Variants in HMGCLL1 observed in about 807,000 individuals in gnomAD.
HMGCLL1 encodes 3-hydroxy-3-methylglutaryl-CoA lyase like 1.
In HMGCLL1, 36 loss-of-function variants were observed where a neutral mutation model predicts 39.1. The ratio of observed to expected loss-of-function variants is 0.92; its 90% CI spans 0.71 to 1.22. The LOEUF is 1.22. HMGCLL1 is among the 50% of genes most tolerant of loss of function. The probability of loss-of-function intolerance (pLI) is 0.00; values close to 1 mark genes in which losing one functional copy is unlikely to be tolerated. For synonymous variants in HMGCLL1, 149 were observed against 144.0 expected, an observed-to-expected ratio of 1.03 and a Z score of -0.25; for missense variants, 451 against 416.5, an observed-to-expected ratio of 1.08 and a Z score of -0.72.
the HMGCLL1 span, among the ~76,000 whole-genome samples, chr6:55,658,326 G>T: frequency 6.6e-6 from 1 of 151,904 alleles, no homozygotes; most frequent in Non-Finnish European, 1.5e-5. Context: ...ACATAAAATT[G>T]TTGCTGTCTT....
intron 7 of HMGCLL1, among the ~76,000 whole-genome samples, chr6:55,456,087 G>A (rs1403422924): frequency 3.3e-5 from 5 of 152,140 alleles, no homozygotes; most frequent in South Asian, 2.1e-4. Flanking sequence ...AAGGTCACAC[G>A]CATATAAGCT....
At chr6:55,535,611 C>G (rs1768971201) in intron 3 of HMGCLL1, among the ~76,000 whole-genome samples, 1 of 152,156 alleles carries the variant, frequency 6.6e-6, no homozygotes, top group Admixed American at 6.5e-5. Context: ...GTCTCCCTCC[C>G]TCTTTCAGCC....
intron 1 of HMGCLL1, among the ~76,000 whole-genome samples, chr6:55,546,399 A>G (rs1769977999): frequency 6.6e-6 from 1 of 152,010 alleles, no homozygotes; most frequent in African/African-American, 2.4e-5. Context: ...TTTTATTAAA[A>G]CCCTCAGAGT....
At chr6:55,505,506 G>GTAATGCA (rs756137058) in intron 5 of HMGCLL1, among the ~76,000 whole-genome samples, 191 of 151,724 alleles carry the variant, frequency 1.3e-3, no homozygotes, top group Non-Finnish European at 2.4e-3. Flanking sequence ...TTGAGAGCCT[G>GTAATGCA]TAATGCATTT....
chr6:55,529,869 C>A (rs531635256), intron 3 of HMGCLL1, among the ~76,000 whole-genome samples: 3 of 152,032 alleles, frequency 2.0e-5, no homozygotes, highest in South Asian at 4.2e-4. Context: ...AATAGAGACA[C>A]AATAAAAGCA....
intron 3 of HMGCLL1, among the ~76,000 whole-genome samples, chr6:55,532,653 T>C (rs749355852): frequency 2.0e-5 from 3 of 151,596 alleles, no homozygotes; most frequent in Non-Finnish European, 2.9e-5. Flanking sequence ...ATACAAAAAT[T>C]AGCTGGGTGC....
At chr6:55,518,397 C>T (rs1046215263) in intron 3 of HMGCLL1, among the ~76,000 whole-genome samples, 1 of 152,008 alleles carries the variant, frequency 6.6e-6, no homozygotes, top group African/African-American at 2.4e-5. Context: ...ATTGTTCCAA[C>T]AAAAAATGGC....
intron 1 of HMGCLL1, among the ~76,000 whole-genome samples, chr6:55,576,328 C>T (rs1760818950): frequency 6.6e-6 from 1 of 152,036 alleles, no homozygotes; most frequent in African/African-American, 2.4e-5. Flanking sequence ...CCAGAGGGAA[C>T]ACAATTTATT....
the HMGCLL1 span, among the ~76,000 whole-genome samples, chr6:55,596,821 G>T: frequency 6.6e-6 from 1 of 152,090 alleles, no homozygotes. Context: ...ACAATCATTT[G>T]CCAAGTTAGC....
intron 7 of HMGCLL1, among the ~76,000 whole-genome samples, chr6:55,483,020 A>G (rs1170484794): frequency 6.6e-6 from 1 of 152,190 alleles, no homozygotes; most frequent in Non-Finnish European, 1.5e-5. Context: ...GATCCCAATC[A>G]GAAGAAATCT....
At chr6:55,526,148 T>A (rs1248334989) in intron 3 of HMGCLL1, among the ~76,000 whole-genome samples, 4 of 151,968 alleles carry the variant, frequency 2.6e-5, no homozygotes, top group African/African-American at 9.7e-5. Flanking sequence ...TCCAGACCCC[T>A]ATTTTTTCTT....
intron 7 of HMGCLL1, among the ~76,000 whole-genome samples, chr6:55,472,260 C>G (rs1180756733): frequency 9.2e-5 from 14 of 151,588 alleles, no homozygotes; most frequent in African/African-American, 3.4e-4. Flanking sequence ...GAGTACCATT[C>G]GTTCCACATT....
At chr6:55,586,950 A>G in the HMGCLL1 span, among the ~76,000 whole-genome samples, 6 of 152,238 alleles carry the variant, frequency 3.9e-5, no homozygotes, top group East Asian at 1.2e-3. Context: ...TTCTAGTTCT[A>G]GATCCCTGAG....
the HMGCLL1 span, among the ~76,000 whole-genome samples, chr6:55,587,344 C>T: frequency 6.6e-5 from 10 of 151,796 alleles, no homozygotes; most frequent in African/African-American, 1.9e-4. Context: ...TTCTGTAGGT[C>T]GCCTGTACAG....
chr6:55,457,143 T>C (rs1764360030), intron 7 of HMGCLL1, among the ~76,000 whole-genome samples: 1 of 152,218 alleles, frequency 6.6e-6, no homozygotes, highest in African/African-American at 2.4e-5. Context: ...GTAATCATCC[T>C]TTCCAAGGAG....
At chr6:55,612,611 C>A in the HMGCLL1 span, among the ~76,000 whole-genome samples, 1 of 152,036 alleles carries the variant, frequency 6.6e-6, no homozygotes, top group Non-Finnish European at 1.5e-5. Context: ...ACACATAGAC[C>A]AATGGAACAG....
the HMGCLL1 span, among the ~76,000 whole-genome samples, chr6:55,669,482 T>C: frequency 1.3e-5 from 2 of 151,728 alleles, no homozygotes; most frequent in African/African-American, 4.8e-5. Flanking sequence ...ATTACTTGGA[T>C]TATGAAGAAA....
At chr6:55,576,942 G>A in intron 1 of HMGCLL1, 1 of 1,185,798 alleles carries the variant, frequency 8.4e-7, no homozygotes, top group Non-Finnish European at 1.2e-6. Context: ...ATCTGGACTG[G>A]AATTCAAGAG....
chr6:55,601,327 C>T, the HMGCLL1 span, among the ~76,000 whole-genome samples: 2 of 152,124 alleles, frequency 1.3e-5, no homozygotes, highest in African/African-American at 4.8e-5. Context: ...GTATGGCTGA[C>T]AGCTAACTGG....
Sources: gnomAD v4.1 joint callset for allele counts (sites outside exome capture counted in the v4.1 genomes callset) on GRCh38, gnomAD v4.1.1 for gene constraint, MANE v1.5 for transcripts, NCBI Gene and HGNC (gene_info 2026-07-23, HGNC 2026-07-21) for gene names.